The following METTL21A variants were observed in gnomAD, a reference collection of about 807,000 sequenced individuals.
METTL21A encodes methyltransferase 21A, HSPA lysine.
A neutral mutation model predicts 20.9 loss-of-function variants in METTL21A; 22 were observed. That is an observed-to-expected ratio of 1.05 (90% CI 0.75 to 1.50). The LOEUF is 1.50. METTL21A is among the 40% of genes most tolerant of loss of function. The pLI, the probability that METTL21A is intolerant of heterozygous loss-of-function variation, is 0.00. For missense variants in METTL21A, 271 were observed against 266.8 expected, an observed-to-expected ratio of 1.02 and a Z score of -0.11; for synonymous variants, 93 against 102.0, an observed-to-expected ratio of 0.91 and a Z score of 0.53.
chr2:207,622,094 G>A (rs559158734), intron 2 of METTL21A, among the ~76,000 whole-genome samples, 177 bp from the exon 3 acceptor site: 6 of 152,200 alleles, frequency 3.9e-5, no homozygotes, highest in African/African-American at 1.4e-4. Context: ...GCAAGCACAG[G>A]GTCCCACAGC....
chr2:207,620,745 C>A, intron 3 of METTL21A: 3 of 1,512,652 alleles, frequency 2.0e-6, no homozygotes, highest in Non-Finnish European at 8.8e-7. Context: ...AGACTTTCAA[C>A]CACCACCCCT....
chr2:207,615,317 A>T (rs1041792235), intron 3 of METTL21A, among the ~76,000 whole-genome samples: 3 of 152,046 alleles, frequency 2.0e-5, no homozygotes, highest in East Asian at 1.9e-4. Context: ...ACAAAAAAAT[A>T]AAAAAATTAG....
intron 3 of METTL21A, chr2:207,600,472 G>A (rs2106636853): frequency 1.0e-5 from 2 of 199,790 alleles, no homozygotes; most frequent in East Asian, 1.5e-4. Context: ...GTTTTCTTTG[G>A]CTTGATACTT....
intron 3 of METTL21A, among the ~76,000 whole-genome samples, chr2:207,585,847 A>G (rs1392535080): frequency 6.6e-6 from 1 of 152,176 alleles, no homozygotes; most frequent in African/African-American, 2.4e-5. Flanking sequence ...CACACACTAA[A>G]AAGGATGAAG....
At chr2:207,618,544 C>T (rs896356941) in intron 3 of METTL21A, among the ~76,000 whole-genome samples, 1 of 151,032 alleles carries the variant, frequency 6.6e-6, no homozygotes, top group African/African-American at 2.4e-5. Flanking sequence ...ATTAAAAATA[C>T]AAAAAAAAAT....
chr2:207,591,826 C>CTTA (rs951917518), intron 3 of METTL21A, among the ~76,000 whole-genome samples: 24 of 152,198 alleles, frequency 1.6e-4, no homozygotes, highest in Non-Finnish European at 1.6e-4. Context: ...ATGGCATATA[C>CTTA]TTAGGTCTTC....
At chr2:207,620,660 G>C in intron 3 of METTL21A, 1 of 1,535,400 alleles carries the variant, frequency 6.5e-7, no homozygotes, top group Non-Finnish European at 8.7e-7. Flanking sequence ...ATAAAAGGCA[G>C]TGTACCAGCA....
At chr2:207,587,412 AAG>A (rs2084074637) in intron 3 of METTL21A, among the ~76,000 whole-genome samples, 1 of 151,784 alleles carries the variant, frequency 6.6e-6, no homozygotes. Context: ...AAAAAGGAAA[AAG>A]AAAAAAACAC....
chr2:207,601,934 TATG>T lies in METTL21A; in HGVS notation c.260-19777_260-19775del, dbSNP rs2087130536. 2.8e-5 allele frequency: 6 copies of T among 211,466 alleles called. No homozygotes were observed. The East Asian group carries it at 4.3e-4, about 15-fold the overall frequency. The allele number at this position is 211,466 out of a possible 1,614,324, so 13.1% of individuals were successfully genotyped here. ...TATTAAGTTGGCTACACAGTCACTG[TATG>T]TACTAGGAACTGGTTTCCTTGACAT... On this transcript the variant is annotated intron_variant, in intron 3 of 3. Coordinates refer to the METTL21A transcript ENST00000425132.
chr2:207,620,893 T>C (rs2090405714), intron 3 of METTL21A: 3 of 500,656 alleles, frequency 6.0e-6, no homozygotes, highest in Non-Finnish European at 1.1e-5. Context: ...GACAATGCGA[T>C]GGGTTTAGAA....
chr2:207,623,546 T>G (rs1004224375), intron 2 of METTL21A, among the ~76,000 whole-genome samples: 2 of 152,314 alleles, frequency 1.3e-5, no homozygotes, highest in South Asian at 4.1e-4. Flanking sequence ...TTTACAATAC[T>G]CTGTGAAATA....
downstream of METTL21A, among the ~76,000 whole-genome samples, chr2:207,607,734 G>A (rs964760071): frequency 8.4e-6 from 1 of 118,770 alleles, no homozygotes; most frequent in Non-Finnish European, 1.8e-5. Flanking sequence ...TTAATTGGGG[G>A]AAAAATTAGT....
exon 4 of METTL21A, chr2:207,613,313 C>A: frequency 6.2e-7 from 1 of 1,614,118 alleles, no homozygotes; most frequent in East Asian, 2.2e-5. Flanking sequence ...GAGAAAAACT[C>A]CCCAAATTTT....
intron 3 of METTL21A, chr2:207,599,133 TTA>T (rs1241657515): frequency 6.2e-5 from 12 of 194,886 alleles, no homozygotes; most frequent in South Asian, 1.9e-4. Context: ...GATGTAGTCT[TTA>T]TGTTTGGACA....
At chr2:207,603,866 CCTATA>C (rs1251840704) in intron 3 of METTL21A, among the ~76,000 whole-genome samples, 7 of 152,142 alleles carry the variant, frequency 4.6e-5, no homozygotes, top group Non-Finnish European at 2.9e-5. Context: ...AAAGTTATCT[CCTATA>C]CTATTAACTT....
intron 3 of METTL21A, among the ~76,000 whole-genome samples, chr2:207,590,780 A>G (rs1438450548): frequency 1.3e-5 from 2 of 152,194 alleles, no homozygotes; most frequent in African/African-American, 2.4e-5. Flanking sequence ...TTTATTTACA[A>G]AAACAAGCAG....
intron 3 of METTL21A, among the ~76,000 whole-genome samples, chr2:207,590,794 A>G (rs943317845): frequency 8.5e-5 from 13 of 152,208 alleles, no homozygotes; most frequent in Non-Finnish European, 1.6e-4. Flanking sequence ...CAAGCAGGGA[A>G]GCAAAGTTTG....
At chr2:207,619,965 A>G (rs2090285524) in intron 3 of METTL21A, among the ~76,000 whole-genome samples, 1 of 152,232 alleles carries the variant, frequency 6.6e-6, no homozygotes, top group Non-Finnish European at 1.5e-5. Flanking sequence ...CACGACTAGT[A>G]AGAATGAAAA....
intron 3 of METTL21A, chr2:207,602,916 T>C (rs2087338299): frequency 4.6e-6 from 1 of 216,334 alleles, no homozygotes; most frequent in Non-Finnish European, 9.3e-6. Context: ...GAATTATTTC[T>C]AACCCAGATG....
Sources: allele counts gnomAD v4.1 joint callset (sites outside exome capture counted in the v4.1 genomes callset), GRCh38; gene constraint gnomAD v4.1.1; transcripts MANE v1.5; gene names NCBI Gene and HGNC (gene_info 2026-07-23, HGNC 2026-07-21).